RXRA: variants seen among roughly 807,000 people sequenced by gnomAD.
RXRA encodes the protein retinoic acid receptor RXR-alpha.
Under a neutral mutation model 44.5 loss-of-function variants are expected in RXRA, and 5 were observed. The ratio of observed to expected loss-of-function variants is 0.11; its 90% confidence interval spans 0.06 to 0.24. The LOEUF (loss-of-function observed/expected upper bound fraction) is 0.24, where lower values mean the gene tolerates loss of function less well. RXRA is among the 10% of genes least tolerant of loss of function. RXRA has a pLI of 1.00. For missense variants in RXRA, 412 were observed against 646.5 expected (o/e 0.64, Z 3.93); for synonymous variants, 291 against 271.4 (o/e 1.07, Z -0.71).
At position 134,355,472 on chromosome 9, in the gene RXRA, G is replaced by A. The variant is rs888027307; in HGVS notation, c.28+28813G>A. 9.2e-5 allele frequency among the ~76,000 whole-genome samples: 14 copies of A among 151,892 alleles called. No homozygotes were observed. The East Asian group carries it at 2.5e-3, about 27-fold the overall frequency. ...GCTCACCTGCAGCTCAGTCAGCGCC[G>A]GGAACTGCTAGTTGTTATTTTTGGT... On this transcript the variant is annotated intron_variant, in intron 1 of 9. Coordinates refer to ENST00000481739, the MANE Select transcript of RXRA (RefSeq NM_002957.6).
chr9:134,398,197 C>G (rs2119135399), intron 1 of RXRA, among the ~76,000 whole-genome samples: 1 of 152,290 alleles, frequency 6.6e-6, no homozygotes, highest in East Asian at 1.9e-4. Context: ...CCAGGCTGGT[C>G]TTGAATTCCT....
At position 134,375,799 on chromosome 9, in the gene RXRA, T is replaced by G. The variant is rs965174908; in HGVS notation, c.29-25833T>G. 7.9e-5 allele frequency among the ~76,000 whole-genome samples: 12 copies of G among 151,996 alleles called. No homozygotes were observed. The East Asian group carries it at 2.3e-3, about 29-fold the overall frequency. ...GGGCTGGCTTCTGGCAGGAGAGCATTCTCGGTGTGAGAGTTTGTGTTAGTG... is the reference window on the plus strand; with the variant it reads ...GGGCTGGCTTCTGGCAGGAGAGCATGCTCGGTGTGAGAGTTTGTGTTAGTG... On this transcript the variant is annotated intron_variant, in intron 1 of 9. Transcript: ENST00000481739.
intron 1 of RXRA, among the ~76,000 whole-genome samples, chr9:134,351,583 C>T (rs1197500923): frequency 6.6e-6 from 1 of 152,260 alleles, no homozygotes; most frequent in Non-Finnish European, 1.5e-5. Flanking sequence ...GAAGCTGAAC[C>T]TCCCTGCTCC....
At chr9:134,381,412 C>CTGTTGG (rs1830644398) in intron 1 of RXRA, among the ~76,000 whole-genome samples, 1 of 152,104 alleles carries the variant, frequency 6.6e-6, no homozygotes, top group African/African-American at 2.4e-5. Flanking sequence ...GGGCTGGGCC[C>CTGTTGG]TGTTGGATCT....
chr9:134,372,949 T>A (rs1481645053), intron 1 of RXRA, among the ~76,000 whole-genome samples: 1 of 152,164 alleles, frequency 6.6e-6, no homozygotes, highest in Admixed American at 6.5e-5. Flanking sequence ...GTTGCAGAGC[T>A]GCGGTAGGCC....
At chr9:134,339,905 CTGTG>C (rs1407552982) in intron 1 of RXRA, among the ~76,000 whole-genome samples, 6 of 151,428 alleles carry the variant, frequency 4.0e-5, no homozygotes, top group South Asian at 2.1e-4. Flanking sequence ...CTGTGTGTGT[CTGTG>C]TGTGAACCTG....
chr9:134,361,297 G>A (rs938203784), intron 1 of RXRA, among the ~76,000 whole-genome samples: 1 of 152,162 alleles, frequency 6.6e-6, no homozygotes, highest in African/African-American at 2.4e-5. Flanking sequence ...CTCCCAGGAA[G>A]CACAGCCCTG....
intron 1 of RXRA, among the ~76,000 whole-genome samples, chr9:134,386,592 C>G (rs1830724153): frequency 6.6e-6 from 1 of 152,212 alleles, no homozygotes; most frequent in South Asian, 2.1e-4. Flanking sequence ...CTGGTCACGG[C>G]TGCTCCGTAC....
chr9:134,371,731 C>T (rs1830493399), intron 1 of RXRA, among the ~76,000 whole-genome samples: 1 of 152,170 alleles, frequency 6.6e-6, no homozygotes, highest in African/African-American at 2.4e-5. Flanking sequence ...GTGGTCCGCC[C>T]TTGTCTCTGC....
At chr9:134,431,686 C>T (rs889068514) in intron 7 of RXRA, among the ~76,000 whole-genome samples, 1 of 152,092 alleles carries the variant, frequency 6.6e-6, no homozygotes, top group Non-Finnish European at 1.5e-5. Context: ...AGGAGCCCAC[C>T]CTCCGGGCAG....
In RXRA at chr9:134,421,823, G is replaced by A. The variant is rs13286343; in HGVS notation, c.910+18G>A. On this transcript the variant is annotated intron_variant, in intron 6 of 9. Coordinates refer to ENST00000481739, the MANE Select transcript of RXRA (RefSeq NM_002957.6). Reference sequence around the variant, plus strand: ...GCGGGCAGGTGAGTGGCGAGGCCTAGGTGGGGATGGGGATGCCATGCAGAT... The same window carrying A: ...GCGGGCAGGTGAGTGGCGAGGCCTAAGTGGGGATGGGGATGCCATGCAGAT... 6.2e-7 allele frequency: 1 copy of A among 1,612,088 alleles called. No homozygotes were observed. The highest frequency in any genetic ancestry group is 8.5e-7 in the Non-Finnish European group (1 of 1,179,420).
intron 1 of RXRA, among the ~76,000 whole-genome samples, chr9:134,375,230 G>GGAATGACCCAA (rs1433797261): frequency 1.3e-5 from 2 of 152,218 alleles, no homozygotes; most frequent in African/African-American, 4.8e-5. Context: ...ACATGTTCCT[G>GGAATGACCCAA]GAATGACCCA....
chr9:134,371,190 G>T (rs1273368333), intron 1 of RXRA, among the ~76,000 whole-genome samples: 3 of 152,204 alleles, frequency 2.0e-5, no homozygotes, highest in Non-Finnish European at 1.5e-5. Flanking sequence ...CCGGCCCAGT[G>T]GGGGCTGCTG....
At chr9:134,388,857 T>A (rs1830759179) in intron 1 of RXRA, among the ~76,000 whole-genome samples, 1 of 152,082 alleles carries the variant, frequency 6.6e-6, no homozygotes, top group Admixed American at 6.5e-5. Flanking sequence ...AGGCTGTGAG[T>A]TCTCTGGAGG....
chr9:134,428,967 C>A, intron 6 of RXRA, 141 bp from the exon 7 acceptor site: 2 of 989,522 alleles, frequency 2.0e-6, no homozygotes, highest in Non-Finnish European at 3.0e-6. Context: ...TTCTGTGGAA[C>A]ACTTCATGGG....
chr9:134,429,029 G>C, intron 6 of RXRA, 79 bp from the exon 7 acceptor site: 2 of 1,560,356 alleles, frequency 1.3e-6, no homozygotes, highest in Non-Finnish European at 1.8e-6. Flanking sequence ...TGCCTCTGTA[G>C]GGTCCCACCA....
At chr9:134,420,716 C>T (rs901654414) in intron 5 of RXRA, among the ~76,000 whole-genome samples, 6 of 152,218 alleles carry the variant, frequency 3.9e-5, no homozygotes, top group South Asian at 2.1e-4. Context: ...ATTCCTGCAG[C>T]GGCACCACTG....
intron 1 of RXRA, among the ~76,000 whole-genome samples, chr9:134,328,256 G>A (rs1207973850): frequency 1.3e-5 from 2 of 152,214 alleles, no homozygotes; most frequent in African/African-American, 4.8e-5. Flanking sequence ...CGTGGCAGGG[G>A]CCTGGCTGGT....
At position 134,328,954 on chromosome 9, in the gene RXRA, G is replaced by T. The variant is rs529854374; in HGVS notation, c.28+2295G>T. On this transcript the variant is annotated intron_variant, in intron 1 of 9. Coordinates refer to ENST00000481739, the MANE Select transcript of RXRA (RefSeq NM_002957.6). ...CGTCCAGATCTGGAAGGAAAGCAAG[G>T]CCGAGGGACTCGCCAGAGGCAGCCC... Among the ~76,000 whole-genome samples, 3 of 152,366 alleles carry T rather than the reference G, an allele frequency of 2.0e-5. No homozygotes were observed. The East Asian group carries it at 5.8e-4, about 29-fold the overall frequency.
Sources: gnomAD v4.1 joint callset for allele counts (sites outside exome capture counted in the v4.1 genomes callset) on GRCh38, gnomAD v4.1.1 for gene constraint, MANE v1.5 for transcripts, NCBI Gene and HGNC (gene_info 2026-07-23, HGNC 2026-07-21) for gene names.